Variants in SORCS1 observed in about 807,000 individuals in gnomAD.
The protein encoded by SORCS1 is sortilin related VPS10 domain containing receptor 1.
In SORCS1, 60 loss-of-function variants were observed where a neutral mutation model predicts 146.1. The observed-to-expected ratio is 0.41, with a 90% CI of 0.33 to 0.51. The LOEUF (loss-of-function observed/expected upper bound fraction) is 0.51. Ranked by LOEUF, SORCS1 falls within the 20% of genes least tolerant of loss-of-function variation. The pLI is 0.21. For missense variants in SORCS1, 1,352 were observed against 1,487.6 expected (o/e 0.91, Z 1.50); for synonymous variants, 637 against 584.0 (o/e 1.09, Z -1.31).
At chr10:107,150,684 A>T (rs552204857) in intron 1 of SORCS1, among the ~76,000 whole-genome samples, 231 of 152,206 alleles carry the variant, frequency 1.5e-3, no homozygotes, top group Non-Finnish European at 3.0e-3. Context: ...CATGGGAGGG[A>T]ACTGGTGGGA....
At chr10:106,738,255 T>C (rs1482050159) in intron 5 of SORCS1, among the ~76,000 whole-genome samples, 1 of 152,228 alleles carries the variant, frequency 6.6e-6, no homozygotes, top group Non-Finnish European at 1.5e-5. Context: ...ATATATGCGA[T>C]TGTCTAATAA....
At chr10:106,757,909 G>A (rs1201719997) in intron 5 of SORCS1, among the ~76,000 whole-genome samples, 1 of 152,190 alleles carries the variant, frequency 6.6e-6, no homozygotes, top group East Asian at 1.9e-4. Flanking sequence ...CTATGCCATA[G>A]GTTCCCTATC....
intron 3 of SORCS1, among the ~76,000 whole-genome samples, chr10:106,822,175 G>A (rs1948070479): frequency 6.6e-6 from 1 of 152,138 alleles, no homozygotes; most frequent in Non-Finnish European, 1.5e-5. Context: ...GGTACTTAGT[G>A]TGTAATGTAA....
At chr10:106,802,127 C>T (rs990867603) in intron 3 of SORCS1, among the ~76,000 whole-genome samples, 4 of 152,076 alleles carry the variant, frequency 2.6e-5, no homozygotes, top group Admixed American at 2.6e-4. Context: ...TCTTCTAAGA[C>T]AGAAAGTTGC....
At chr10:106,687,251 C>G (rs1852921774) in intron 10 of SORCS1, among the ~76,000 whole-genome samples, 2 of 152,148 alleles carry the variant, frequency 1.3e-5, no homozygotes, top group South Asian at 4.1e-4. Context: ...TTCAAGTAGA[C>G]AAGTAGACTG....
chr10:106,598,686 T>G (rs1236038131), intron 23 of SORCS1, among the ~76,000 whole-genome samples: 1 of 152,226 alleles, frequency 6.6e-6, no homozygotes, highest in Non-Finnish European at 1.5e-5. Flanking sequence ...GCTAATTAAA[T>G]TCTTAATTTT....
intron 2 of SORCS1, among the ~76,000 whole-genome samples, chr10:106,860,740 T>C (rs966739327): frequency 2.0e-5 from 3 of 152,178 alleles, no homozygotes; most frequent in South Asian, 4.1e-4. Flanking sequence ...TGAAAAAGAA[T>C]AGATTTTTCC....
chr10:107,104,766 T>C (rs1965187984), intron 1 of SORCS1, among the ~76,000 whole-genome samples: 2 of 151,994 alleles, frequency 1.3e-5, no homozygotes, highest in Non-Finnish European at 2.9e-5. Context: ...GAAAGTTATG[T>C]CTAGATCCAC....
At chr10:107,075,678 C>A (rs1237162563) in intron 1 of SORCS1, among the ~76,000 whole-genome samples, 1 of 152,006 alleles carries the variant, frequency 6.6e-6, no homozygotes, top group Non-Finnish European at 1.5e-5. Context: ...TAAATTTGTA[C>A]CTTTCAATAA....
intron 6 of SORCS1, among the ~76,000 whole-genome samples, chr10:106,726,359 C>CAAA (rs60801871): frequency 1.8e-4 from 8 of 43,584 alleles, no homozygotes; most frequent in African/African-American, 3.8e-4. Context: ...GCTGCCTTCG[C>CAAA]AAAAAAAAAA....
At chr10:107,057,442 T>C (rs916236369) in intron 1 of SORCS1, among the ~76,000 whole-genome samples, 10 of 152,180 alleles carry the variant, frequency 6.6e-5, no homozygotes, top group Admixed American at 1.3e-4. Flanking sequence ...TTGGGAGTCA[T>C]ATCCTCAAAC....
chr10:107,135,159 T>G (rs541955219), intron 1 of SORCS1, among the ~76,000 whole-genome samples: 20 of 152,338 alleles, frequency 1.3e-4, no homozygotes, highest in African/African-American at 4.6e-4. Context: ...AATAATTTAT[T>G]ATGGTAAGAT....
the SORCS1 span, among the ~76,000 whole-genome samples, chr10:107,171,522 T>TTTC: frequency 6.0e-5 from 9 of 149,534 alleles, no homozygotes; most frequent in Non-Finnish European, 1.5e-5. Flanking sequence ...CCCTTTTTTT[T>TTTC]TTTTTTTTTT....
chr10:106,626,132 T>C (rs1848095542), intron 19 of SORCS1, among the ~76,000 whole-genome samples: 1 of 152,080 alleles, frequency 6.6e-6, no homozygotes, highest in South Asian at 2.1e-4. Flanking sequence ...AAATCACTTT[T>C]CTGCACTGGA....
At chr10:107,089,526 C>A (rs749660621) in intron 1 of SORCS1, among the ~76,000 whole-genome samples, 4 of 152,232 alleles carry the variant, frequency 2.6e-5, no homozygotes, top group Admixed American at 2.0e-4. Flanking sequence ...CTATTTCTGG[C>A]GAGTCAGAAA....
At chr10:106,825,786 G>C (rs1948277325) in intron 3 of SORCS1, among the ~76,000 whole-genome samples, 1 of 152,146 alleles carries the variant, frequency 6.6e-6, no homozygotes. Flanking sequence ...CAGATAGCCA[G>C]CCTGCCTCTC....
intron 1 of SORCS1, among the ~76,000 whole-genome samples, chr10:106,989,104 CAA>C (rs111258873): frequency 3.1e-4 from 34 of 109,330 alleles, no homozygotes; most frequent in Middle Eastern, 4.8e-3. Flanking sequence ...ACTAAAAATA[CAA>C]AAAAAAAAAA....
chr10:106,763,220 A>G (rs1698095594), intron 4 of SORCS1, among the ~76,000 whole-genome samples: 1 of 152,184 alleles, frequency 6.6e-6, no homozygotes, highest in South Asian at 2.1e-4. Flanking sequence ...GTGTGCTCCT[A>G]TGGCTATACC....
At chr10:106,735,252 G>A (rs1856869601) in intron 5 of SORCS1, among the ~76,000 whole-genome samples, 1 of 151,944 alleles carries the variant, frequency 6.6e-6, no homozygotes, top group South Asian at 2.1e-4. Flanking sequence ...ATGAGTCAAT[G>A]GCTCAGAGAT....
Sources: allele counts gnomAD v4.1 joint callset (sites outside exome capture counted in the v4.1 genomes callset), GRCh38; gene constraint gnomAD v4.1.1; transcripts MANE v1.5; gene names NCBI Gene and HGNC (gene_info 2026-07-23, HGNC 2026-07-21).